Variants in FCN1 observed in about 807,000 individuals in gnomAD.
FCN1 encodes ficolin-1.
A neutral mutation model predicts 35.6 loss-of-function variants in FCN1; 42 were observed. The observed-to-expected ratio is 1.18, with a 90% CI of 0.92 to 1.53. FCN1 has a LOEUF of 1.53. FCN1 is among the 40% of genes most tolerant of loss of function. The pLI, the probability that FCN1 is intolerant of heterozygous loss-of-function variation, is 0.00. For missense variants in FCN1, 439 were observed against 428.4 expected (o/e 1.02, Z -0.22); for synonymous variants, 179 against 169.8 (o/e 1.05, Z -0.42).
intron 1 of FCN1, among the ~76,000 whole-genome samples, chr9:134,916,930 C>T (rs968961295): frequency 4.7e-4 from 71 of 152,326 alleles, no homozygotes; most frequent in African/African-American, 1.7e-3. Context: ...CTGGAAGGGG[C>T]TTTCTAGGTC....
Position 134,909,277 on chromosome 9 carries a change from T to A in FCN1, c.*521A>T, listed in dbSNP as rs917458097. 3.1e-6 allele frequency: 4 copies of A among 1,289,414 alleles called. No homozygotes were observed. Among genetic ancestry groups the A allele is most frequent in the Non-Finnish European group, 2.0e-6 (2 of 988,782 alleles). 79.9% of individuals were successfully genotyped at this position (1,289,414 alleles called of 1,614,324 possible). A position where few individuals can be genotyped will look rare whatever the true frequency, so the allele number is the denominator to read the frequency against. On this transcript the variant is annotated 3_prime_UTR_variant, in exon 9 of 9. Transcript: ENST00000371806. ...AAAGTTCCTACTAAACTTTCCCCCT[T>A]TTTAGTAAGTGTTTTCTGGACCCCA...
intron 4 of FCN1, among the ~76,000 whole-genome samples, chr9:134,914,041 G>A (rs1831060821): frequency 1.3e-5 from 2 of 152,348 alleles, no homozygotes; most frequent in South Asian, 2.1e-4. Flanking sequence ...GTGTTTGTGG[G>A]TGGAGCGTGG....
In FCN1 at chr9:134,909,721, G is replaced by A. The variant is rs745599820; in HGVS notation, c.*77C>T. ...TGGGAGTGTGTCTGGCTGGGGAAAT[G>A]GGGTGACTTCCACGACGCAGCGCTT... On this transcript the variant is annotated 3_prime_UTR_variant, in exon 9 of 9. Transcript: ENST00000371806. 9.4e-6 allele frequency: 15 copies of A among 1,597,756 alleles called. No individual in the cohort carries two copies. In the Admixed American group the frequency reaches 1.0e-4, roughly 11 times the overall value.
At position 134,910,702 on chromosome 9, in the gene FCN1, C is replaced by T. The variant is rs142331519; in HGVS notation, c.733+431G>A. 6.4e-4 allele frequency among the ~76,000 whole-genome samples: 97 copies of T among 152,292 alleles called. 1 individual carries two copies. The highest frequency in any genetic ancestry group is 3.0e-3 in the Admixed American group (46 of 15,304). On this transcript the variant is annotated intron_variant, in intron 8 of 8. Coordinates refer to ENST00000371806, the MANE Select transcript of FCN1 (RefSeq NM_002003.5). Reference sequence around the variant, plus strand: ...CTGCAGCAATTCTCAGTGCCTTTCACGAACGATGTGCACTGGGAATTCCCT... The same window carrying T: ...CTGCAGCAATTCTCAGTGCCTTTCATGAACGATGTGCACTGGGAATTCCCT...
chr9:134,915,428 C>T (rs1261169368), intron 2 of FCN1, among the ~76,000 whole-genome samples: 1 of 152,172 alleles, frequency 6.6e-6, no homozygotes, highest in African/African-American at 2.4e-5. Context: ...GTATATTAGC[C>T]AGCCATGCCC....
rs1049191125 is a variant in FCN1, at chr9:134,905,333, A to G, written c.*4465T>C. ...TACTTGAGAGGTCCCATGGCCAGGA[A>G]GAAGAGCACTGGCCCAAGAGGAGGA... On this transcript the variant is annotated 3_prime_UTR_variant, in exon 9 of 9. Transcript: ENST00000371806. Among the ~76,000 whole-genome samples the G allele has an allele frequency of 1.3e-5, 2 of 152,230 alleles. No homozygotes were observed. The highest frequency in any genetic ancestry group is 4.8e-5 in the African/African-American group (2 of 41,464).
rs1316270428 is a variant in FCN1, at chr9:134,911,128, C to G, written c.733+5G>C. 2 of 1,613,940 alleles carry G rather than the reference C, an allele frequency of 1.2e-6. No individual in the cohort carries two copies. The highest frequency in any genetic ancestry group is 2.7e-5 in the African/African-American group (2 of 74,922). ...TCAGGCCACCAGCCCCAAGCAGACA[C>G]TCACCCGCACTGCCCCCGACAAAGG... On this transcript the variant is annotated splice_donor_5th_base_variant and intron_variant, in intron 8 of 8. Transcript: ENST00000371806.
At position 134,917,753 on chromosome 9, in the gene FCN1, C is replaced by A; in HGVS notation, c.103+16G>T. 2 of 1,581,536 alleles carry A rather than the reference C, an allele frequency of 1.3e-6. No individual in the cohort carries two copies. The highest frequency in any genetic ancestry group is 1.7e-6 in the Non-Finnish European group (2 of 1,150,364). ...TTACCAGCTTTTAGGGACCAGAAAA[C>A]CCAGGTCTGTCTCACCTGGACATGT... On this transcript the variant is annotated intron_variant, in intron 1 of 8. Coordinates refer to ENST00000371806, the MANE Select transcript of FCN1 (RefSeq NM_002003.5).
chr9:134,914,905 C>T (rs370413383), intron 2 of FCN1, 96 bp from the exon 3 acceptor site: 1 of 916,320 alleles, frequency 1.1e-6, no homozygotes, highest in East Asian at 2.6e-5. Context: ...GACCCTCCCC[C>T]ACTCTGCCTT....
At position 134,909,280 on chromosome 9, in the gene FCN1, TAGTA is replaced by T. The variant is rs1391057905; in HGVS notation, c.*514_*517del. ...GTTCCTACTAAACTTTCCCCCTTTTTAGTAAGTGTTTTCTGGACCCCAAAGTGAC... is the reference window on the plus strand; with the variant it reads ...GTTCCTACTAAACTTTCCCCCTTTTTAGTGTTTTCTGGACCCCAAAGTGAC... On this transcript the variant is annotated 3_prime_UTR_variant, in exon 9 of 9. Transcript: ENST00000371806. 3.1e-6 allele frequency: 4 copies of T among 1,289,480 alleles called. No individual in the cohort carries two copies. In the African/African-American group the frequency reaches 4.6e-5, roughly 15 times the overall value. The allele number at this position is 1,289,480 out of a possible 1,614,324, so 79.9% of individuals were successfully genotyped here. A position where few individuals can be genotyped will look rare whatever the true frequency, so the allele number is the denominator to read the frequency against.
At position 134,905,816 on chromosome 9, in the gene FCN1, TTCTTCTTCTTCC is replaced by T; in HGVS notation, c.*3970_*3981del. 3 of 57,990 alleles carry T rather than the reference TTCTTCTTCTTCC, an allele frequency of 5.2e-5. No individual in the cohort carries two copies. The South Asian group carries it at 1.7e-3, about 33-fold the overall frequency. 3.6% of individuals were successfully genotyped at this position (57,990 alleles called of 1,614,324 possible). ...CTGCTTCTTCTTCTTCTTCCTCTTC[TTCTTCTTCTTCC>T]TCTTCCTCTTCCTCTTCCTCTTCCT... On this transcript the variant is annotated 3_prime_UTR_variant, in exon 9 of 9. Transcript: ENST00000371806.
chr9:134,905,877 TC>T lies in FCN1; in HGVS notation c.*3920del, dbSNP rs1350418253. 1.4e-5 allele frequency: 1 copy of T among 70,934 alleles called. No individual in the cohort carries two copies. Among genetic ancestry groups the T allele is most frequent in the African/African-American group, 1.5e-4 (1 of 6,858 alleles). The allele number at this position is 70,934 out of a possible 1,614,324, so 4.4% of individuals were successfully genotyped here. The stretch of plus-strand genomic sequence containing the variant: ...CTCTTCCTCTTCCTCTTCTTCTTCT[TC>T]TTCTTCTTCTTCTTCTTCTTCTTCT... On this transcript the variant is annotated 3_prime_UTR_variant, in exon 9 of 9. Transcript: ENST00000371806.
chr9:134,913,270 G>A, intron 5 of FCN1, 127 bp from the exon 6 acceptor site: 1 of 1,302,646 alleles, frequency 7.7e-7, no homozygotes, highest in Admixed American at 2.0e-5. Flanking sequence ...GGACTCCGAG[G>A]CCTGGACAGG....
rs58237540 is a variant in FCN1, at chr9:134,912,815, C to T, written c.469-200G>A. Among the ~76,000 whole-genome samples, 318 of 152,308 alleles carry T rather than the reference C, an allele frequency of 2.1e-3. 6 individuals are homozygous for T. The East Asian group carries it at 0.05, about 24-fold the overall frequency. ...CTCAGAGAAGAGAGGCAACAAGCCC[C>T]AAGCCACACAGCAGGAGAGCACCGG... is the stretch of plus-strand genomic sequence containing the variant. On this transcript the variant is annotated intron_variant, in intron 6 of 8. Transcript: ENST00000371806.
rs1012882015 is a variant in FCN1, at chr9:134,903,533, C to G, written c.*6265G>C. On this transcript the variant is annotated 3_prime_UTR_variant, in exon 9 of 9. Coordinates refer to ENST00000371806, the MANE Select transcript of FCN1 (RefSeq NM_002003.5). ...ATAAACCATGGGCCAAAGGAAAAGT[C>G]ACAGAGGAAACTCTTAGAACTGAAC... Among the ~76,000 whole-genome samples the G allele has an allele frequency of 6.6e-6, 1 of 152,008 alleles. No homozygotes were observed. Among genetic ancestry groups the G allele is most frequent in the Non-Finnish European group, 1.5e-5 (1 of 67,986 alleles).
chr9:134,916,275 T>C (rs1675277688), intron 2 of FCN1, 73 bp downstream of exon 2: 1 of 1,175,726 alleles, frequency 8.5e-7, no homozygotes, highest in African/African-American at 1.5e-5. Flanking sequence ...TGCCCAACTC[T>C]GCATCCAGTT....
rs542158626 is a variant in FCN1 at position 134,905,735 on chromosome 9, C to T, written c.*4063G>A. On this transcript the variant is annotated 3_prime_UTR_variant, in exon 9 of 9. Coordinates refer to ENST00000371806, the MANE Select transcript of FCN1 (RefSeq NM_002003.5). ...TCCTGACCTTGTGATCCGCCCGCCT[C>T]GGCCTCCCAAAGTGCTGGGATTACA... Among the ~76,000 whole-genome samples, 7 of 151,558 alleles carry T rather than the reference C, an allele frequency of 4.6e-5. No individual in the cohort carries two copies. The highest frequency in any genetic ancestry group is 8.8e-5 in the Non-Finnish European group (6 of 67,910).
intron 6 of FCN1, among the ~76,000 whole-genome samples, 200 bp downstream of exon 6, chr9:134,912,816 A>G (rs1249426135): frequency 6.6e-6 from 1 of 152,156 alleles, no homozygotes; most frequent in Non-Finnish European, 1.5e-5. Flanking sequence ...AACAAGCCCC[A>G]AGCCACACAG....
At chr9:134,916,268 C>A in intron 2 of FCN1, 80 bp downstream of exon 2, 1 of 1,121,922 alleles carries the variant, frequency 8.9e-7, no homozygotes, top group South Asian at 1.3e-5. Flanking sequence ...GGGGTGTTGC[C>A]CAACTCTGCA....
Sources: gnomAD v4.1 joint callset for allele counts (sites outside exome capture counted in the v4.1 genomes callset) on GRCh38, gnomAD v4.1.1 for gene constraint, MANE v1.5 for transcripts, NCBI Gene and HGNC (gene_info 2026-07-23, HGNC 2026-07-21) for gene names.